XKR9: variants seen among roughly 807,000 people sequenced by gnomAD.
XKR9 encodes the protein XK related 9.
In XKR9, 32 loss-of-function variants were observed where a neutral mutation model predicts 32.0. The observed-to-expected ratio is 1.00, with a 90% CI of 0.76 to 1.34. The LOEUF is 1.34. XKR9 is among the 40% of genes most tolerant of loss of function. The pLI, the probability that XKR9 is intolerant of heterozygous loss-of-function variation, is 0.00. For synonymous variants in XKR9, 168 were observed against 143.4 expected, an observed-to-expected ratio of 1.17 and a Z score of -1.22; for missense variants, 546 against 429.7, an observed-to-expected ratio of 1.27 and a Z score of -2.39.
At chr8:70,913,542 C>A in the XKR9 span, among the ~76,000 whole-genome samples, 1 of 152,046 alleles carries the variant, frequency 6.6e-6, no homozygotes, top group East Asian at 1.9e-4. Flanking sequence ...AAAACAATTT[C>A]CAGTAATCAA....
At chr8:70,902,323 T>G in the XKR9 span, among the ~76,000 whole-genome samples, 3 of 152,236 alleles carry the variant, frequency 2.0e-5, no homozygotes, top group Non-Finnish European at 4.4e-5. Flanking sequence ...TCCTCTTTTA[T>G]TTCATTGAGC....
intron 3 of XKR9, among the ~76,000 whole-genome samples, chr8:70,687,322 C>CTTTCTT (rs1586814623): frequency 2.0e-5 from 2 of 100,848 alleles, no homozygotes; most frequent in East Asian, 4.1e-4. Context: ...CTCTTTCTTT[C>CTTTCTT]TTTCTTTCTT....
At chr8:70,792,317 G>A (rs566270564), downstream of XKR9, among the ~76,000 whole-genome samples, 7 of 152,138 alleles carry the variant, frequency 4.6e-5, no homozygotes, top group East Asian at 1.4e-3. Flanking sequence ...ACAACAGTGG[G>A]GAAAGTTTTA....
chr8:70,731,941 A>G (rs1586868997), intron 4 of XKR9, among the ~76,000 whole-genome samples: 1 of 152,212 alleles, frequency 6.6e-6, no homozygotes, highest in East Asian at 1.9e-4. Context: ...TATCTCTTCT[A>G]AACTATCCTC....
At chr8:70,766,389 T>A (rs1252971904) in intron 2 of XKR9, among the ~76,000 whole-genome samples, 1 of 152,166 alleles carries the variant, frequency 6.6e-6, no homozygotes, top group African/African-American at 2.4e-5. Flanking sequence ...AGTTCACTCA[T>A]GATTTGACTC....
chr8:70,996,033 T>C, the XKR9 span, among the ~76,000 whole-genome samples: 3 of 152,172 alleles, frequency 2.0e-5, no homozygotes, highest in African/African-American at 7.2e-5. Context: ...CACAACTTCT[T>C]GTGTAGGGGA....
At chr8:70,790,325 A>T (rs1178169473) in exon 4 of XKR9, 1 of 152,086 alleles carries the variant, frequency 6.6e-6, no homozygotes, top group Non-Finnish European at 1.5e-5. Flanking sequence ...TGCCTTTAAA[A>T]GTATTGAATA....
chr8:70,883,986 A>G, the XKR9 span, among the ~76,000 whole-genome samples: 2 of 152,254 alleles, frequency 1.3e-5, no homozygotes, highest in Admixed American at 1.3e-4. Flanking sequence ...TGGCTGTACC[A>G]TTTTGCATTC....
chr8:70,856,565 G>T, the XKR9 span, among the ~76,000 whole-genome samples: 1 of 152,086 alleles, frequency 6.6e-6, no homozygotes, highest in Non-Finnish European at 1.5e-5. Context: ...ACAGATCAAT[G>T]AGACAGAAAG....
chr8:70,725,767 A>C (rs779193661), intron 4 of XKR9, among the ~76,000 whole-genome samples: 1 of 151,982 alleles, frequency 6.6e-6, no homozygotes, highest in Non-Finnish European at 1.5e-5. Flanking sequence ...TTAGCTGGGC[A>C]TGGTAGTGGT....
At chr8:70,875,534 G>A in the XKR9 span, among the ~76,000 whole-genome samples, 208 of 152,264 alleles carry the variant, frequency 1.4e-3, 1 homozygote, top group African/African-American at 4.6e-3. Flanking sequence ...TGAAAATTAA[G>A]CTTCATTCAA....
chr8:70,902,334 A>G, the XKR9 span, among the ~76,000 whole-genome samples: 2 of 152,166 alleles, frequency 1.3e-5, no homozygotes, highest in Non-Finnish European at 2.9e-5. Context: ...TTCATTGAGC[A>G]GTGGTTTGTA....
Position 70,734,196 on chromosome 8 carries a change from T to G in XKR9, c.894T>G (p.Thr298=), listed in dbSNP as rs114873265. The G allele has an allele frequency of 1.9e-6, 3 of 1,613,528 alleles. No homozygotes were observed. In the East Asian group the frequency reaches 6.7e-5, roughly 36 times the overall value. ...ATTATATTGTTAGGGTACTGGGCACTTTGGGGATATTGACTGTATTCTGGG... is the reference window on the plus strand; with the variant it reads ...ATTATATTGTTAGGGTACTGGGCACGTTGGGGATATTGACTGTATTCTGGG... ...SCYYIVRVLG[T]LGILTVFWVC... The change falls in exon 5 of 5, where the codon ACT becomes ACG. Residue 298 remains threonine (T), a synonymous_variant. Coordinates refer to ENST00000408926, the MANE Select transcript of XKR9 (RefSeq NM_001011720.2).
chr8:71,011,919 T>C, the XKR9 span, among the ~76,000 whole-genome samples: 1 of 152,194 alleles, frequency 6.6e-6, no homozygotes, highest in Non-Finnish European at 1.5e-5. Context: ...GGTTAGAAAT[T>C]TATACAAAAC....
At chr8:70,889,684 T>A in the XKR9 span, among the ~76,000 whole-genome samples, 1 of 151,992 alleles carries the variant, frequency 6.6e-6, no homozygotes, top group South Asian at 2.1e-4. Flanking sequence ...TGATTTTTTG[T>A]TTCTGCATGC....
intron 4 of XKR9, among the ~76,000 whole-genome samples, chr8:70,710,534 C>G (rs1346790456): frequency 6.6e-6 from 1 of 152,030 alleles, no homozygotes; most frequent in Non-Finnish European, 1.5e-5. Context: ...AACCCCATCT[C>G]TAGTAAACAT....
At position 70,788,267 on chromosome 8, in the gene XKR9, T is replaced by C. The variant is rs576523224; in HGVS notation, n.353-1072T>C. ...GTGCATAGCTCCATGTCTGATGTTATTAAGTGTTAGTTGTTAGCTCATAAG... is the reference window on the plus strand; with the variant it reads ...GTGCATAGCTCCATGTCTGATGTTACTAAGTGTTAGTTGTTAGCTCATAAG... On this transcript the variant is annotated intron_variant and non_coding_transcript_variant, in intron 2 of 3. Transcript: ENST00000520273. 2.6e-4 allele frequency among the ~76,000 whole-genome samples: 39 copies of C among 152,220 alleles called. 1 individual carries two copies. The highest frequency in any genetic ancestry group is 9.1e-4 in the African/African-American group (38 of 41,578).
At chr8:70,771,157 C>T (rs190622) in intron 2 of XKR9, among the ~76,000 whole-genome samples, 1 of 152,162 alleles carries the variant, frequency 6.6e-6, no homozygotes, top group Non-Finnish European at 1.5e-5. Context: ...CTTCCCTTGG[C>T]TAGGGGACGG....
At chr8:70,725,487 G>A (rs1181568449) in intron 4 of XKR9, among the ~76,000 whole-genome samples, 10 of 151,912 alleles carry the variant, frequency 6.6e-5, no homozygotes, top group Non-Finnish European at 4.4e-5. Flanking sequence ...TAGAAGAGTT[G>A]ATAGTGATTT....
Sources: gnomAD v4.1 joint callset for allele counts (sites outside exome capture counted in the v4.1 genomes callset) on GRCh38, gnomAD v4.1.1 for gene constraint, MANE v1.5 for transcripts, NCBI Gene and HGNC (gene_info 2026-07-23, HGNC 2026-07-21) for gene names.